Variants in ZNF407 observed in about 807,000 individuals in gnomAD.
ZNF407 encodes the protein zinc finger protein 407.
In ZNF407, 17 loss-of-function variants were observed where a neutral mutation model predicts 131.2. The ratio of observed to expected loss-of-function variants is 0.13; its 90% confidence interval spans 0.09 to 0.19. ZNF407 has a LOEUF of 0.19. Among genes scored for constraint, ZNF407 ranks in the 10% least tolerant of loss-of-function variants. ZNF407 has a pLI of 1.00. For synonymous variants in ZNF407, 1,156 were observed against 1,062.0 expected (o/e 1.09, Z -1.72); for missense variants, 2,681 against 2,830.6 (o/e 0.95, Z 1.20).
In ZNF407 at chr18:74,626,519, T is replaced by TAG. The variant is rs576906849; in HGVS notation, c.-53-4447_-53-4446insGA. On this transcript the variant is annotated intron_variant, in intron 1 of 8. Transcript: ENST00000299687. The stretch of plus-strand genomic sequence containing the variant: ...ATGTCATGTGACTCCCGCAGAATAT[T>TAG]ATCTCAGTGCACGAGTGTGTTGGTG... 6.6e-5 allele frequency among the ~76,000 whole-genome samples: 10 copies of TAG among 152,360 alleles called. No homozygotes were observed. The South Asian group carries it at 2.1e-3, about 32-fold the overall frequency.
intron 3 of ZNF407, among the ~76,000 whole-genome samples, chr18:74,651,442 T>G (rs1250866384): frequency 1.3e-5 from 2 of 152,122 alleles, no homozygotes; most frequent in Non-Finnish European, 2.9e-5. Flanking sequence ...TTCAGCCCGG[T>G]TTTGAAGAAG....
chr18:74,872,536 G>A (rs1971101663), intron 4 of ZNF407, among the ~76,000 whole-genome samples: 1 of 151,978 alleles, frequency 6.6e-6, no homozygotes, highest in South Asian at 2.1e-4. Context: ...GGCCGAGGCA[G>A]GCAGATCACG....
intron 3 of ZNF407, among the ~76,000 whole-genome samples, chr18:74,670,363 A>C (rs117763606): frequency 6.6e-6 from 1 of 152,242 alleles, no homozygotes; most frequent in Non-Finnish European, 1.5e-5. Flanking sequence ...ATAAGAGCAC[A>C]AAATTGGATG....
At chr18:74,603,326 A>C (rs1348451037) in intron 1 of ZNF407, among the ~76,000 whole-genome samples, 1 of 152,232 alleles carries the variant, frequency 6.6e-6, no homozygotes, top group South Asian at 2.1e-4. Context: ...AGTTGTTTAC[A>C]ATTGAAAAAC....
At chr18:74,625,498 A>G (rs915622999) in intron 1 of ZNF407, among the ~76,000 whole-genome samples, 5 of 152,188 alleles carry the variant, frequency 3.3e-5, no homozygotes, top group African/African-American at 7.2e-5. Context: ...GCAGATGAAG[A>G]CGTGGTAGAC....
rs759063715 is a variant in ZNF407 at position 74,635,041 on chromosome 18, T to G, written c.4022T>G (p.Ile1341Ser). The change falls in exon 2 of 9, where the codon ATT becomes AGT. Residue 1341 changes from isoleucine (I) to serine (S), a missense_variant. By Grantham distance (142) the Ile-to-Ser change is moderately radical (BLOSUM62 -2). Transcript: ENST00000299687. The surrounding 1 kb of genome is among the most constrained non-coding windows in gnomAD (Gnocchi z 4.7). Reference protein sequence around the residue: ...VESSDVYETIISIDDKGQAMY... With the variant: ...VESSDVYETISSIDDKGQAMY... ...AGTAGTGATGTCTATGAAACTATAA[T>G]TAGTATTGATGATAAAGGGCAGGCC... 2 of 1,613,910 alleles carry G rather than the reference T, an allele frequency of 1.2e-6. No homozygotes were observed. Among genetic ancestry groups the G allele is most frequent in the Non-Finnish European group, 1.7e-6 (2 of 1,179,862 alleles).
At chr18:75,059,237 A>G (rs1411071206) in intron 8 of ZNF407, among the ~76,000 whole-genome samples, 2 of 152,250 alleles carry the variant, frequency 1.3e-5, no homozygotes, top group Non-Finnish European at 2.9e-5. Context: ...GATCCAAAGG[A>G]TAATTCTATA....
chr18:74,712,585 A>G (rs1967791810), intron 3 of ZNF407, among the ~76,000 whole-genome samples: 1 of 152,204 alleles, frequency 6.6e-6, no homozygotes, highest in South Asian at 2.1e-4. Context: ...TGTGGAGGCC[A>G]TGAGAGGAGG....
At position 75,063,669 on chromosome 18, in the gene ZNF407, C is replaced by G. The variant is rs1384663058; in HGVS notation, c.5948C>G (p.Pro1983Arg). ...LNLSEAGVAP[P>R]EASSALDALL... The stretch of plus-strand genomic sequence containing the variant: ...CTCTCGGAGGCTGGAGTCGCTCCCC[C>G]CGAGGCATCCTCAGCCCTGGATGCA... The change falls in exon 9 of 9, where the codon CCC (proline) becomes CGC (arginine). Residue 1983 changes from proline to arginine, a missense_variant. Pro to Arg is a moderately radical substitution (Grantham distance 103). Transcript: ENST00000299687. The surrounding 1 kb of genome is among the most constrained non-coding windows in gnomAD (Gnocchi z 6.6). The G allele has an allele frequency of 5.6e-6, 9 of 1,609,100 alleles. No homozygotes were observed. Among genetic ancestry groups the G allele is most frequent in the African/African-American group, 1.3e-5 (1 of 74,864 alleles).
At chr18:74,797,245 C>G (rs1211270296) in intron 4 of ZNF407, among the ~76,000 whole-genome samples, 1 of 152,208 alleles carries the variant, frequency 6.6e-6, no homozygotes, top group African/African-American at 2.4e-5. Flanking sequence ...TGAAAGCTCT[C>G]TGATATGTGA....
intron 3 of ZNF407, among the ~76,000 whole-genome samples, chr18:74,748,524 A>G (rs1968724042): frequency 6.6e-6 from 1 of 152,200 alleles, no homozygotes; most frequent in South Asian, 2.1e-4. Flanking sequence ...TTAATTTAAA[A>G]TTGTTTATTA....
At chr18:74,618,019 C>T (rs2144633930) in intron 1 of ZNF407, among the ~76,000 whole-genome samples, 1 of 152,176 alleles carries the variant, frequency 6.6e-6, no homozygotes, top group East Asian at 1.9e-4. Context: ...CTCTCTCCGT[C>T]CATCTCTCCA....
intron 8 of ZNF407, among the ~76,000 whole-genome samples, chr18:74,985,951 A>G (rs1197770160): frequency 6.6e-6 from 1 of 152,210 alleles, no homozygotes; most frequent in Non-Finnish European, 1.5e-5. Flanking sequence ...AACTTCAGTT[A>G]TAATCTTTGT....
At chr18:74,713,358 CTTTTTTTT>C (rs5826345) in intron 3 of ZNF407, among the ~76,000 whole-genome samples, 2 of 84,480 alleles carry the variant, frequency 2.4e-5, no homozygotes, top group Non-Finnish European at 2.5e-5. Flanking sequence ...ATTTTAGCAT[CTTTTTTTT>C]TTTTTTTTTT....
At chr18:74,927,150 A>G (rs1407874869) in intron 8 of ZNF407, among the ~76,000 whole-genome samples, 3 of 152,224 alleles carry the variant, frequency 2.0e-5, no homozygotes, top group Admixed American at 2.0e-4. Flanking sequence ...AATCTTCAAA[A>G]CAAATCTTGT....
At chr18:74,676,799 G>T (rs899339031) in intron 3 of ZNF407, among the ~76,000 whole-genome samples, 3 of 152,154 alleles carry the variant, frequency 2.0e-5, no homozygotes, top group African/African-American at 7.2e-5. Flanking sequence ...TGACACTCTT[G>T]TGAGGGCTTA....
At position 74,652,974 on chromosome 18, in the gene ZNF407, A is replaced by G. The variant is rs117724259; in HGVS notation, c.4802+11852A>G. ...GGAGGTTATTAGCAAAGCTTGCTAG[A>G]TGTGGATTGGTTGAAAAACGGAAAA... On this transcript the variant is annotated intron_variant, in intron 3 of 8. Transcript: ENST00000299687. Among the ~76,000 whole-genome samples, 432 of 152,122 alleles carry G rather than the reference A, an allele frequency of 2.8e-3. 1 individual carries two copies. The highest frequency in any genetic ancestry group is 5.5e-3 in the Non-Finnish European group (371 of 67,858).
intron 8 of ZNF407, among the ~76,000 whole-genome samples, chr18:74,935,732 A>G (rs1028883621): frequency 1.3e-5 from 2 of 152,210 alleles, no homozygotes; most frequent in Non-Finnish European, 2.9e-5. Context: ...GGAAGCACCG[A>G]GCAGGCAGAA....
At chr18:74,623,373 T>C (rs1342068399) in intron 1 of ZNF407, among the ~76,000 whole-genome samples, 1 of 152,068 alleles carries the variant, frequency 6.6e-6, no homozygotes, top group East Asian at 1.9e-4. Flanking sequence ...TCTGTGACTT[T>C]GGGTGTGTGC....
Sources: allele counts gnomAD v4.1 joint callset (sites outside exome capture counted in the v4.1 genomes callset), GRCh38; gene constraint gnomAD v4.1.1; non-coding constraint Gnocchi (gnomAD v3.1); transcripts MANE v1.5; gene names NCBI Gene and HGNC (gene_info 2026-07-23, HGNC 2026-07-21).